Variants in FGF13 observed in about 807,000 individuals in gnomAD.
FGF13 encodes the protein fibroblast growth factor homologous factor 2.
In FGF13, 2 loss-of-function variants were observed where a neutral mutation model predicts 19.5. The observed-to-expected ratio is 0.10, with a 90% CI of 0.04 to 0.32. The LOEUF (loss-of-function observed/expected upper bound fraction) is 0.32, where lower values mean the gene tolerates loss of function less well. Ranked by LOEUF, FGF13 falls within the 10% of genes least tolerant of loss-of-function variation. FGF13 has a pLI of 1.00. For synonymous variants in FGF13, 72 were observed against 76.9 expected (o/e 0.94, Z 0.33); for missense variants, 113 against 192.7 (o/e 0.59, Z 2.45).
At chrX:138,883,599 A>G in intron 1 of FGF13, among the ~76,000 whole-genome samples, 1 of 111,828 alleles carries the variant, frequency 8.9e-6, no homozygotes, top group Admixed American at 9.5e-5. Context: ...ATAGTCAACC[A>G]GGAGCCAAGA....
chrX:138,778,788 G>A (rs141233089), intron 3 of FGF13, among the ~76,000 whole-genome samples: 1,878 of 112,618 alleles, frequency 0.017, 40 homozygotes, highest in African/African-American at 0.058. Flanking sequence ...AAAGCAGCCC[G>A]GAAGCTCGAA....
intron 3 of FGF13, among the ~76,000 whole-genome samples, chrX:138,831,726 G>A (rs1050189879): frequency 2.8e-5 from 3 of 106,899 alleles, no homozygotes; most frequent in South Asian, 8.1e-4. Context: ...GGTTTTTTAC[G>A]TAGGTAAATT....
At chrX:138,675,876 C>A (rs890178994) in intron 3 of FGF13, among the ~76,000 whole-genome samples, 1 of 110,958 alleles carries the variant, frequency 9.0e-6, no homozygotes, top group Admixed American at 9.6e-5. Flanking sequence ...TATGATTCCA[C>A]CATGTGGTGA....
intron 1 of FGF13, among the ~76,000 whole-genome samples, chrX:138,949,282 C>A (rs2091798049): frequency 8.9e-6 from 1 of 111,749 alleles, no homozygotes; most frequent in East Asian, 2.8e-4. Flanking sequence ...GTAGGCTAGA[C>A]ATTTAAAATC....
Position 138,859,475 on chromosome X carries a change from G to A in FGF13, c.-38-1796C>T, listed in dbSNP as rs2091277129. ...AGAGAAAAAATGACTTTTTGACAATGCATAAGGAATTTGTTATTCAGAAGT... is the reference window on the plus strand; with the variant it reads ...AGAGAAAAAATGACTTTTTGACAATACATAAGGAATTTGTTATTCAGAAGT... On this transcript the variant is annotated intron_variant, in intron 2 of 2. Coordinates refer to the FGF13 transcript ENST00000421460. Among the ~76,000 whole-genome samples, 7 of 112,417 alleles carry A rather than the reference G, an allele frequency of 6.2e-5. No homozygotes were observed. The Admixed American group carries it at 6.6e-4, about 11-fold the overall frequency.
chrX:139,082,587 C>A (rs1302047388), intron 1 of FGF13, among the ~76,000 whole-genome samples: 1 of 110,910 alleles, frequency 9.0e-6, no homozygotes, highest in Non-Finnish European at 1.9e-5. Flanking sequence ...TAGAGTGATG[C>A]AGACAAAAGT....
intron 1 of FGF13, among the ~76,000 whole-genome samples, chrX:138,956,243 T>C (rs916950614): frequency 1.8e-5 from 2 of 111,531 alleles, no homozygotes; most frequent in African/African-American, 6.5e-5. Context: ...ATGATGTATA[T>C]TTGAATAAAA....
At chrX:139,027,247 T>C (rs187723051) in intron 1 of FGF13, among the ~76,000 whole-genome samples, 90 of 112,661 alleles carry the variant, frequency 8.0e-4, no homozygotes, top group African/African-American at 2.7e-3. Context: ...ATATAACTGA[T>C]ACAAAGATGT....
At chrX:139,005,660 G>A (rs1319807182) in intron 1 of FGF13, among the ~76,000 whole-genome samples, 1 of 109,278 alleles carries the variant, frequency 9.2e-6, no homozygotes, top group Non-Finnish European at 1.9e-5. Flanking sequence ...CAAAATAGCT[G>A]CTTTGAGAAA....
intron 1 of FGF13, among the ~76,000 whole-genome samples, chrX:139,019,718 C>T (rs762956327): frequency 7.2e-5 from 8 of 110,354 alleles, no homozygotes; most frequent in Non-Finnish European, 1.5e-4. Flanking sequence ...GAGATCCACA[C>T]CTAGATAAAT....
At chrX:138,929,235 CTG>C (rs10622697) in intron 1 of FGF13, among the ~76,000 whole-genome samples, 3,029 of 97,641 alleles carry the variant, frequency 0.031, 22 homozygotes, top group African/African-American at 0.041. Context: ...GAGGAAAACT[CTG>C]TGTGTGTGTG....
chrX:139,103,529 C>T (rs1214780559), intron 1 of FGF13, among the ~76,000 whole-genome samples: 1 of 111,568 alleles, frequency 9.0e-6, no homozygotes, highest in African/African-American at 3.3e-5. Flanking sequence ...GGAGGGAAGT[C>T]ACAGTGAACA....
chrX:138,907,188 G>T (rs1342988842), intron 1 of FGF13, among the ~76,000 whole-genome samples: 2 of 111,505 alleles, frequency 1.8e-5, no homozygotes, highest in Non-Finnish European at 3.8e-5. Context: ...TCTTAGCTCA[G>T]CTTAACTAAG....
At chrX:138,812,285 C>T (rs1166007355) in intron 3 of FGF13, among the ~76,000 whole-genome samples, 1 of 112,127 alleles carries the variant, frequency 8.9e-6, no homozygotes, top group East Asian at 2.8e-4. Context: ...CCCACATTAT[C>T]TTTACCCATT....
chrX:138,876,701 G>A (rs2091391237), intron 1 of FGF13, among the ~76,000 whole-genome samples: 1 of 112,206 alleles, frequency 8.9e-6, no homozygotes, highest in African/African-American at 3.2e-5. Context: ...AGCTACCTAT[G>A]CTACGTCCTC....
chrX:139,159,256 T>A (rs1339209003), intron 1 of FGF13, among the ~76,000 whole-genome samples: 1 of 111,686 alleles, frequency 9.0e-6, no homozygotes, highest in East Asian at 2.8e-4. Context: ...AGAAATAAAA[T>A]ACTTTACAGA....
intron 1 of FGF13, among the ~76,000 whole-genome samples, chrX:138,892,695 A>G (rs1418808616): frequency 9.0e-6 from 1 of 110,666 alleles, no homozygotes; most frequent in Non-Finnish European, 1.9e-5. Flanking sequence ...GCTGGTGCTT[A>G]GTGGGGAGCC....
intron 1 of FGF13, among the ~76,000 whole-genome samples, chrX:139,143,995 G>A (rs1355101367): frequency 9.0e-6 from 1 of 111,332 alleles, no homozygotes; most frequent in Non-Finnish European, 1.9e-5. Flanking sequence ...TCCCTTCCCA[G>A]TGGCCAGCTC....
At chrX:138,656,566 T>C (rs1044957544) in intron 3 of FGF13, among the ~76,000 whole-genome samples, 1 of 111,521 alleles carries the variant, frequency 9.0e-6, no homozygotes, top group Admixed American at 9.6e-5. Flanking sequence ...ACTGAGCTTA[T>C]TGGAGGAGGA....
Sources: gnomAD v4.1 joint callset for allele counts (sites outside exome capture counted in the v4.1 genomes callset) on GRCh38, gnomAD v4.1.1 for gene constraint, MANE v1.5 for transcripts, NCBI Gene and HGNC (gene_info 2026-07-23, HGNC 2026-07-21) for gene names.